LMOD1: variants seen among roughly 807,000 people sequenced by gnomAD.
LMOD1 encodes the protein leiomodin-1.
A neutral mutation model predicts 36.5 loss-of-function variants in LMOD1; 8 were observed. That is an observed-to-expected ratio of 0.22 (90% CI 0.13 to 0.40). LMOD1 has a LOEUF of 0.40. Among genes scored for constraint, LMOD1 ranks in the 10% least tolerant of loss-of-function variants. LMOD1 has a pLI of 1.00. For missense variants in LMOD1, 630 were observed against 751.1 expected, an observed-to-expected ratio of 0.84 and a Z score of 1.88; for synonymous variants, 284 against 288.7, an observed-to-expected ratio of 0.98 and a Z score of 0.17.
chr1:201,919,929 AT>A (rs1681672540), intron 1 of LMOD1, among the ~76,000 whole-genome samples: 2 of 150,838 alleles, frequency 1.3e-5, no homozygotes, highest in South Asian at 4.2e-4. Context: ...CCACTAAACT[AT>A]TGTAAGCAGC....
In LMOD1 at chr1:201,898,362, C is replaced by A; in HGVS notation, c.*10G>T. Reference sequence around the variant, plus strand: ...CATGGCATTGGCAGATGGTGCCTGGCAGCCTGGTCCTACTGAAGCAGTTTG... The same window carrying A: ...CATGGCATTGGCAGATGGTGCCTGGAAGCCTGGTCCTACTGAAGCAGTTTG... On this transcript the variant is annotated 3_prime_UTR_variant, in exon 3 of 3. Coordinates refer to ENST00000367288, the MANE Select transcript of LMOD1 (RefSeq NM_012134.3). The A allele has an allele frequency of 6.2e-7, 1 of 1,612,374 alleles. No homozygotes were observed. Among genetic ancestry groups the A allele is most frequent in the Non-Finnish European group, 8.5e-7 (1 of 1,179,328 alleles).
chr1:201,905,855 G>A (rs1415073977), intron 1 of LMOD1, among the ~76,000 whole-genome samples: 1 of 152,242 alleles, frequency 6.6e-6, no homozygotes, highest in African/African-American at 2.4e-5. Flanking sequence ...AGCCAAGGAG[G>A]GCAGGGCTGA....
intron 1 of LMOD1, among the ~76,000 whole-genome samples, chr1:201,924,772 C>T (rs911803348): frequency 3.3e-5 from 5 of 152,070 alleles, no homozygotes; most frequent in African/African-American, 9.7e-5. Context: ...TGCCTGCAGT[C>T]GTAGCTACTT....
At chr1:201,908,279 A>C (rs1386004172) in intron 1 of LMOD1, among the ~76,000 whole-genome samples, 10 of 152,092 alleles carry the variant, frequency 6.6e-5, no homozygotes. Flanking sequence ...GGCTGTCTCC[A>C]CTGGCCTGTG....
chr1:201,926,210 C>T lies in LMOD1; in HGVS notation c.261+19870G>A, dbSNP rs182678175. ...TCCTCTAAAAGAATAACATGTGTGG[C>T]CTTATGTTTCTCTGGGCTATGGAGT... On this transcript the variant is annotated intron_variant, in intron 1 of 2. Transcript: ENST00000367288. Among the ~76,000 whole-genome samples, 6 of 152,218 alleles carry T rather than the reference C, an allele frequency of 3.9e-5. No homozygotes were observed. The East Asian group carries it at 5.8e-4, about 15-fold the overall frequency.
At chr1:201,926,923 C>A (rs940273856) in intron 1 of LMOD1, among the ~76,000 whole-genome samples, 1 of 152,076 alleles carries the variant, frequency 6.6e-6, no homozygotes, top group Non-Finnish European at 1.5e-5. Context: ...CACCACTGCA[C>A]CCCAGCCTGG....
intron 1 of LMOD1, among the ~76,000 whole-genome samples, chr1:201,929,106 T>G (rs939412836): frequency 6.7e-6 from 1 of 150,126 alleles, no homozygotes. Context: ...ATTTATTTAT[T>G]TATTTATTTA....
intron 1 of LMOD1, among the ~76,000 whole-genome samples, chr1:201,906,933 T>C (rs1418418452): frequency 6.6e-6 from 1 of 152,126 alleles, no homozygotes; most frequent in Non-Finnish European, 1.5e-5. Context: ...ATGGGGAAAG[T>C]TGGATTCCTG....
intron 1 of LMOD1, among the ~76,000 whole-genome samples, chr1:201,929,540 T>C (rs540388174): frequency 6.6e-6 from 1 of 152,374 alleles, no homozygotes; most frequent in African/African-American, 2.4e-5. Context: ...AATTTTAGAC[T>C]GATTTAATTG....
At chr1:201,929,568 G>T (rs1681884665) in intron 1 of LMOD1, among the ~76,000 whole-genome samples, 1 of 152,122 alleles carries the variant, frequency 6.6e-6, no homozygotes, top group African/African-American at 2.4e-5. Flanking sequence ...TTAAAAAGAG[G>T]ATAAAAAAGG....
At chr1:201,903,908 T>C (rs1681369761) in intron 1 of LMOD1, among the ~76,000 whole-genome samples, 1 of 152,214 alleles carries the variant, frequency 6.6e-6, no homozygotes, top group Non-Finnish European at 1.5e-5. Context: ...TCCAGAGAGA[T>C]GATGAGTTAA....
At position 201,933,589 on chromosome 1, in the gene LMOD1, C is replaced by T. The variant is rs12038898; in HGVS notation, c.261+12491G>A. ...TATATATTATATATGTACACATATA[C>T]ATACATTATATATATATATATATAT... On this transcript the variant is annotated intron_variant, in intron 1 of 2. Coordinates refer to ENST00000367288, the MANE Select transcript of LMOD1 (RefSeq NM_012134.3). Among the ~76,000 whole-genome samples the T allele has an allele frequency of 3.4e-3, 343 of 100,970 alleles. 3 individuals carry two copies. Among genetic ancestry groups the T allele is most frequent in the Middle Eastern group, 4.6e-3 (1 of 216 alleles). 66.2% of individuals were successfully genotyped at this position (100,970 alleles called of 152,430 possible).
At chr1:201,923,696 T>A (rs1681745082) in intron 1 of LMOD1, among the ~76,000 whole-genome samples, 2 of 152,000 alleles carry the variant, frequency 1.3e-5, no homozygotes, top group African/African-American at 4.8e-5. Context: ...AAACCCCATC[T>A]CTACTAAAAA....
In LMOD1 at chr1:201,900,065, G is replaced by A. The variant is rs774792682; in HGVS notation, c.948C>T (p.Ser316=). Residue 316 remains serine (S), a synonymous_variant, in exon 2 of 3, where the codon AGC becomes AGT. Transcript: ENST00000367288. The stretch of plus-strand genomic sequence containing the variant: ...CTCTCTCCAGAGGCTCATCAAATAT[G>A]CTGGGAGCTGCCTCCTCCTCCACCT... ...PAKVEEEAAP[S]IFDEPLERVK... is the part of the protein sequence containing the mutation. 5 of 1,613,726 alleles carry A rather than the reference G, an allele frequency of 3.1e-6. No individual in the cohort carries two copies. The South Asian group carries it at 5.5e-5, about 18-fold the overall frequency.
chr1:201,922,748 A>T (rs1265544648), intron 1 of LMOD1, among the ~76,000 whole-genome samples: 2 of 150,148 alleles, frequency 1.3e-5, no homozygotes, highest in Admixed American at 6.7e-5. Context: ...TATATAATAC[A>T]CTATTATATT....
At chr1:201,906,992 A>C (rs1681422849) in intron 1 of LMOD1, among the ~76,000 whole-genome samples, 1 of 152,192 alleles carries the variant, frequency 6.6e-6, no homozygotes, top group Non-Finnish European at 1.5e-5. Flanking sequence ...CCCTTGGTGG[A>C]ATGTGGAGCA....
At chr1:201,911,747 G>A (rs1481601786) in intron 1 of LMOD1, among the ~76,000 whole-genome samples, 1 of 152,142 alleles carries the variant, frequency 6.6e-6, no homozygotes, top group African/African-American at 2.4e-5. Flanking sequence ...GACCTCCACT[G>A]TATGCCACCT....
At chr1:201,921,313 C>T (rs1235017987) in intron 1 of LMOD1, among the ~76,000 whole-genome samples, 1 of 151,304 alleles carries the variant, frequency 6.6e-6, no homozygotes, top group Non-Finnish European at 1.5e-5. Context: ...CATAGTGAAA[C>T]CCCATCTCTA....
Position 201,900,552 on chromosome 1 carries a change from A to T in LMOD1, c.461T>A (p.Ile154Asn), listed in dbSNP as rs374273187. The T allele has an allele frequency of 4.8e-5, 78 of 1,612,976 alleles. No individual in the cohort carries two copies. The highest frequency in any genetic ancestry group is 6.2e-5 in the Non-Finnish European group (73 of 1,179,708). The change falls in exon 2 of 3, where the codon ATC (isoleucine) becomes AAC (asparagine). Residue 154 changes from isoleucine to asparagine, a missense_variant. Ile to Asn is a moderately radical substitution (Grantham distance 149, BLOSUM62 -3). This residue lies in a region of LMOD1 where 405 missense variants were observed against 400.6 expected (regional missense o/e 1.01). Transcript: ENST00000367288. ...KSGEKPKEEK[I>N]IRGIDKGRVR... ...CCGGCCCTTGTCAATGCCCCGGATGATCTTCTCCTCCTTGGGCTTCTCGCC... is the reference window on the plus strand; with the variant it reads ...CCGGCCCTTGTCAATGCCCCGGATGTTCTTCTCCTCCTTGGGCTTCTCGCC...
Sources: allele counts gnomAD v4.1 joint callset (sites outside exome capture counted in the v4.1 genomes callset), GRCh38; gene constraint gnomAD v4.1.1; regional missense constraint gnomAD v4.1.1; transcripts MANE v1.5; gene names NCBI Gene and HGNC (gene_info 2026-07-23, HGNC 2026-07-21).